Variants in RBPMS observed in about 807,000 individuals in gnomAD.
RBPMS encodes RNA-binding protein with multiple splicing.
A neutral mutation model predicts 26.8 loss-of-function variants in RBPMS; 7 were observed. That is an observed-to-expected ratio of 0.26 (90% CI 0.15 to 0.49). The LOEUF is 0.49. RBPMS is among the 20% of genes least tolerant of loss of function. The pLI is 0.98. For missense variants in RBPMS, 186 were observed against 250.0 expected, an observed-to-expected ratio of 0.74 and a Z score of 1.73; for synonymous variants, 96 against 93.3, an observed-to-expected ratio of 1.03 and a Z score of -0.17.
intron 1 of RBPMS, among the ~76,000 whole-genome samples, chr8:30,448,486 A>T (rs1467493886): frequency 3.9e-5 from 6 of 152,226 alleles, no homozygotes; most frequent in African/African-American, 2.4e-5. Flanking sequence ...CATCTTGACT[A>T]GGTTGCCTCT....
chr8:30,544,231 A>G (rs1028075207), intron 5 of RBPMS, among the ~76,000 whole-genome samples: 16 of 150,288 alleles, frequency 1.1e-4, no homozygotes, highest in Non-Finnish European at 2.4e-4. Flanking sequence ...GAAAGACATC[A>G]GAGTGTTCAA....
chr8:30,515,395 T>A (rs1366625380), intron 5 of RBPMS, among the ~76,000 whole-genome samples: 2 of 152,214 alleles, frequency 1.3e-5, no homozygotes, highest in Admixed American at 6.5e-5. Context: ...GAGAAGAATA[T>A]CCAGTTACCT....
At position 30,445,649 on chromosome 8, in the gene RBPMS, GATATATATATATAT is replaced by G. The variant is rs59580323; in HGVS notation, c.67-29117_67-29104del. ...ACACACATATGTAGATATACACACG[GATATATATATATAT>G]ATATATATATATGTATTTTCCTGAA... On this transcript the variant is annotated intron_variant, in intron 1 of 8. Transcript: ENST00000397323. Among the ~76,000 whole-genome samples the G allele has an allele frequency of 7.5e-4, 80 of 107,368 alleles. 3 individuals are homozygous for G. Among genetic ancestry groups the G allele is most frequent in the Middle Eastern group, 5.4e-3 (1 of 184 alleles). The allele number at this position is 107,368 out of a possible 152,430, so 70.4% of individuals were successfully genotyped here.
chr8:30,452,585 T>A (rs1174624057), intron 1 of RBPMS, among the ~76,000 whole-genome samples: 1 of 152,188 alleles, frequency 6.6e-6, no homozygotes. Flanking sequence ...AGGATCCGTA[T>A]CTCATTTCTT....
At chr8:30,444,969 A>C (rs1447703075) in intron 1 of RBPMS, 2 of 152,104 alleles carry the variant, frequency 1.3e-5, no homozygotes, top group Non-Finnish European at 1.5e-5. Context: ...TGGTGTAGAA[A>C]ATTCTTAAAT....
chr8:30,430,706 G>T (rs1315718029), intron 1 of RBPMS, among the ~76,000 whole-genome samples: 1 of 152,152 alleles, frequency 6.6e-6, no homozygotes, highest in Non-Finnish European at 1.5e-5. Context: ...TACACATATA[G>T]CTTTGAGGGA....
At chr8:30,484,914 T>C (rs965364936) in intron 4 of RBPMS, among the ~76,000 whole-genome samples, 1 of 152,250 alleles carries the variant, frequency 6.6e-6, no homozygotes, top group African/African-American at 2.4e-5. Flanking sequence ...CAAGGTTCTT[T>C]ACAATTAGAT....
chr8:30,415,340 T>C (rs1443036325), intron 1 of RBPMS, among the ~76,000 whole-genome samples: 1 of 152,216 alleles, frequency 6.6e-6, no homozygotes, highest in Non-Finnish European at 1.5e-5. Context: ...TAAGCCACTT[T>C]CCTTGTTTCC....
chr8:30,541,642 C>T (rs1825399982), intron 5 of RBPMS, among the ~76,000 whole-genome samples: 1 of 152,046 alleles, frequency 6.6e-6, no homozygotes, highest in Admixed American at 6.6e-5. Flanking sequence ...AATCTCACCC[C>T]CTCCCTAAAC....
intron 3 of RBPMS, among the ~76,000 whole-genome samples, chr8:30,478,377 CTA>C (rs1432581708): frequency 6.6e-6 from 1 of 152,078 alleles, no homozygotes; most frequent in Non-Finnish European, 1.5e-5. Context: ...TCTCGAATCA[CTA>C]TTCATCTCTC....
chr8:30,454,420 G>T (rs1288428657), intron 1 of RBPMS, among the ~76,000 whole-genome samples: 1 of 152,194 alleles, frequency 6.6e-6, no homozygotes, highest in Non-Finnish European at 1.5e-5. Flanking sequence ...GGGTATATGT[G>T]TAGGGGCTGA....
At chr8:30,478,911 C>A (rs1817986370) in intron 3 of RBPMS, among the ~76,000 whole-genome samples, 1 of 152,198 alleles carries the variant, frequency 6.6e-6, no homozygotes, top group African/African-American at 2.4e-5. Context: ...TGTATTCTTG[C>A]ACTTACAGTG....
At chr8:30,537,784 T>C in intron 5 of RBPMS, 1 of 375,174 alleles carries the variant, frequency 2.7e-6, no homozygotes, top group East Asian at 7.3e-5. Context: ...ATGTGGTCAG[T>C]AAACACGAGC....
chr8:30,471,260 T>C lies in RBPMS; in HGVS notation c.67-3519T>C, dbSNP rs763427643. Among the ~76,000 whole-genome samples, 12 of 152,212 alleles carry C rather than the reference T, an allele frequency of 7.9e-5. No individual in the cohort carries two copies. In the South Asian group the frequency reaches 1.0e-3, roughly 13 times the overall value. ...ACTATATATACTTTTTCCTTGAACG[T>C]CATTTTTATTGGCTGTGTAATATTT... On this transcript the variant is annotated intron_variant, in intron 1 of 8. Transcript: ENST00000397323.
chr8:30,449,185 CA>C (rs1296793827), intron 1 of RBPMS, among the ~76,000 whole-genome samples: 1 of 151,966 alleles, frequency 6.6e-6, no homozygotes, highest in African/African-American at 2.4e-5. Flanking sequence ...AGAAAAGAAA[CA>C]AAAAGGAAAA....
intron 4 of RBPMS, among the ~76,000 whole-genome samples, chr8:30,481,697 C>A (rs1157790733): frequency 1.3e-5 from 2 of 152,148 alleles, no homozygotes; most frequent in Non-Finnish European, 2.9e-5. Context: ...AGGGAAAATT[C>A]GTATTTACCT....
chr8:30,498,816 AG>A (rs1393624160), intron 4 of RBPMS, among the ~76,000 whole-genome samples: 2 of 152,150 alleles, frequency 1.3e-5, no homozygotes, highest in African/African-American at 4.8e-5. Context: ...AAATGGTGTT[AG>A]ATTGGAATTG....
intron 6 of RBPMS, among the ~76,000 whole-genome samples, chr8:30,549,824 CTCTTT>C (rs1248600305): frequency 7.9e-6 from 1 of 126,142 alleles, no homozygotes; most frequent in Non-Finnish European, 1.7e-5. Flanking sequence ...CTCTCTCTCT[CTCTTT>C]TCTTTCTTTT....
intron 4 of RBPMS, among the ~76,000 whole-genome samples, chr8:30,495,115 A>G (rs569494062): frequency 1.3e-5 from 2 of 152,268 alleles, no homozygotes; most frequent in Non-Finnish European, 2.9e-5. Flanking sequence ...CTTGTTACAG[A>G]TATTATCAGA....
Sources: allele counts gnomAD v4.1 joint callset (sites outside exome capture counted in the v4.1 genomes callset), GRCh38; gene constraint gnomAD v4.1.1; transcripts MANE v1.5; gene names NCBI Gene and HGNC (gene_info 2026-07-23, HGNC 2026-07-21).